Variants in KCNIP4 observed in about 807,000 individuals in gnomAD.
KCNIP4 encodes potassium voltage-gated channel interacting protein 4.
A neutral mutation model predicts 34.0 loss-of-function variants in KCNIP4; 12 were observed. That is an observed-to-expected ratio of 0.35 (90% CI 0.23 to 0.57). The LOEUF (loss-of-function observed/expected upper bound fraction) is 0.57. Ranked by LOEUF, KCNIP4 falls within the 20% of genes least tolerant of loss-of-function variation. KCNIP4 has a pLI of 0.83. For synonymous variants in KCNIP4, 124 were observed against 102.2 expected (o/e 1.21, Z -1.29); for missense variants, 238 against 311.7 (o/e 0.76, Z 1.78).
At chr4:21,134,990 T>C (rs1006346165) in intron 1 of KCNIP4, among the ~76,000 whole-genome samples, 1 of 152,176 alleles carries the variant, frequency 6.6e-6, no homozygotes, top group Non-Finnish European at 1.5e-5. Flanking sequence ...ACTTTACAAA[T>C]GGCATCAGTA....
At chr4:20,827,675 T>C (rs540103137) in intron 3 of KCNIP4, among the ~76,000 whole-genome samples, 53 of 152,232 alleles carry the variant, frequency 3.5e-4, no homozygotes, top group African/African-American at 1.1e-3. Context: ...GTCAGTATTC[T>C]GAGCTTATAT....
intron 1 of KCNIP4, among the ~76,000 whole-genome samples, chr4:21,489,977 G>C (rs1221634185): frequency 6.6e-6 from 1 of 152,112 alleles, no homozygotes; most frequent in African/African-American, 2.4e-5. Flanking sequence ...TTATTTCTGA[G>C]CAGTTAATTT....
intron 1 of KCNIP4, among the ~76,000 whole-genome samples, chr4:21,407,806 G>A (rs767332476): frequency 7.2e-5 from 11 of 152,050 alleles, no homozygotes; most frequent in East Asian, 3.9e-4. Flanking sequence ...TAGACAAGCC[G>A]TCCCTCTTTC....
chr4:21,431,827 G>C (rs1264801242), intron 1 of KCNIP4, among the ~76,000 whole-genome samples: 2 of 150,750 alleles, frequency 1.3e-5, no homozygotes, highest in Non-Finnish European at 3.0e-5. Flanking sequence ...TTTCTAATGA[G>C]AAACACAGAT....
intron 1 of KCNIP4, among the ~76,000 whole-genome samples, chr4:21,660,580 G>A (rs912892475): frequency 6.6e-6 from 1 of 152,116 alleles, no homozygotes; most frequent in Non-Finnish European, 1.5e-5. Flanking sequence ...TTCAATAGTA[G>A]ACTAACATGC....
At chr4:21,006,949 A>G (rs1362738978) in intron 1 of KCNIP4, among the ~76,000 whole-genome samples, 1 of 152,224 alleles carries the variant, frequency 6.6e-6, no homozygotes, top group Admixed American at 6.5e-5. Flanking sequence ...TCTTGAGGAC[A>G]AATGTCACTG....
intron 1 of KCNIP4, among the ~76,000 whole-genome samples, chr4:21,114,919 T>C (rs1749562098): frequency 6.6e-6 from 1 of 152,186 alleles, no homozygotes; most frequent in Non-Finnish European, 1.5e-5. Flanking sequence ...CCAATGATTT[T>C]ATATCTTATG....
At chr4:21,593,119 T>TGTTTGTG (rs1553908529) in intron 1 of KCNIP4, among the ~76,000 whole-genome samples, 15 of 134,984 alleles carry the variant, frequency 1.1e-4, no homozygotes, top group South Asian at 2.5e-4. Flanking sequence ...GTGTGTGTGT[T>TGTTTGTG]TGTGTGTGTG....
chr4:20,808,707 G>A (rs1360052243), intron 3 of KCNIP4, among the ~76,000 whole-genome samples: 4 of 152,164 alleles, frequency 2.6e-5, no homozygotes, highest in South Asian at 4.2e-4. Context: ...AGTTCCATAC[G>A]CTGGATGGAT....
At chr4:21,417,172 G>T (rs923229621) in intron 1 of KCNIP4, among the ~76,000 whole-genome samples, 1 of 151,928 alleles carries the variant, frequency 6.6e-6, no homozygotes, top group African/African-American at 2.4e-5. Context: ...GTAGACATAG[G>T]GAATCCATAT....
intron 3 of KCNIP4, among the ~76,000 whole-genome samples, chr4:20,790,794 T>C (rs1712651708): frequency 6.6e-6 from 1 of 152,126 alleles, no homozygotes; most frequent in East Asian, 1.9e-4. Flanking sequence ...AGTTGGAGAA[T>C]AGACAACATG....
At chr4:21,250,340 T>C (rs920107394) in intron 1 of KCNIP4, among the ~76,000 whole-genome samples, 2 of 152,126 alleles carry the variant, frequency 1.3e-5, no homozygotes, top group African/African-American at 2.4e-5. Context: ...TTCCTTACAG[T>C]TACATAGCAC....
intron 3 of KCNIP4, among the ~76,000 whole-genome samples, chr4:20,836,770 C>A (rs574042907): frequency 1.5e-3 from 226 of 152,246 alleles, no homozygotes; most frequent in African/African-American, 5.0e-3. Context: ...TTTGACCAAA[C>A]AACTGGGCAC....
chr4:21,526,630 T>G (rs1735997203), intron 1 of KCNIP4, among the ~76,000 whole-genome samples: 1 of 152,126 alleles, frequency 6.6e-6, no homozygotes, highest in African/African-American at 2.4e-5. Context: ...ATGTATCACC[T>G]ATTGTTCTTG....
intron 3 of KCNIP4, among the ~76,000 whole-genome samples, chr4:20,779,582 C>CT (rs1375778480): frequency 3.0e-5 from 4 of 132,830 alleles, no homozygotes; most frequent in Admixed American, 1.6e-4. Context: ...CACAACCCCC[C>CT]CCCCCCACAC....
rs150296092 is a variant in KCNIP4, at chr4:21,837,907, C to T, written c.61+110664G>A. Reference sequence around the variant, plus strand: ...TAATGCCTTAATTTATTTTGGGCAGCACTGGGCCAATTATCTCCAGGCATG... The same window carrying T: ...TAATGCCTTAATTTATTTTGGGCAGTACTGGGCCAATTATCTCCAGGCATG... On this transcript the variant is annotated intron_variant, in intron 1 of 8. Transcript: ENST00000382152. Among the ~76,000 whole-genome samples, 10 of 152,246 alleles carry T rather than the reference C, an allele frequency of 6.6e-5. No homozygotes were observed. The Middle Eastern group carries it at 0.01, about 155-fold the overall frequency.
chr4:20,923,272 T>G (rs529184277), intron 1 of KCNIP4, among the ~76,000 whole-genome samples: 1 of 152,200 alleles, frequency 6.6e-6, no homozygotes, highest in African/African-American at 2.4e-5. Context: ...GCTAACACCA[T>G]AAGCAGGCTA....
intron 1 of KCNIP4, among the ~76,000 whole-genome samples, chr4:21,024,638 C>G (rs988068410): frequency 1.3e-5 from 2 of 152,128 alleles, no homozygotes; most frequent in African/African-American, 4.8e-5. Flanking sequence ...AGCAATAAGT[C>G]TATTATTCTC....
In KCNIP4 at chr4:21,725,615, G is replaced by A. The variant is rs992347136; in HGVS notation, c.61+222956C>T. 2.0e-5 allele frequency among the ~76,000 whole-genome samples: 3 copies of A among 152,088 alleles called. No homozygotes were observed. The East Asian group carries it at 5.8e-4, about 29-fold the overall frequency. On this transcript the variant is annotated intron_variant, in intron 1 of 8. Transcript: ENST00000382152. Reference sequence around the variant, plus strand: ...TAATCTTTGCATTAGTATATCTGAAGCAAATGACCTTATTATTTTGATATT... The same window carrying A: ...TAATCTTTGCATTAGTATATCTGAAACAAATGACCTTATTATTTTGATATT...
Sources: allele counts gnomAD v4.1 joint callset (sites outside exome capture counted in the v4.1 genomes callset), GRCh38; gene constraint gnomAD v4.1.1; transcripts MANE v1.5; gene names NCBI Gene and HGNC (gene_info 2026-07-23, HGNC 2026-07-21).